LRP1B: variants seen among roughly 807,000 people sequenced by gnomAD.
LRP1B encodes LDL receptor related protein 1B.
LRP1B carries 217 observed loss-of-function variants against 556.6 expected under a neutral mutation model. The ratio of observed to expected loss-of-function variants is 0.39; its 90% CI spans 0.35 to 0.44. The LOEUF is 0.44. Among genes scored for constraint, LRP1B ranks in the 20% least tolerant of loss-of-function variants. The pLI, the probability that LRP1B is intolerant of heterozygous loss-of-function variation, is 1.00. For missense variants in LRP1B, 5,053 were observed against 5,620.8 expected, an observed-to-expected ratio of 0.90 and a Z score of 3.23; for synonymous variants, 2,047 against 1,865.8, an observed-to-expected ratio of 1.10 and a Z score of -2.50.
At chr2:141,866,641 G>A (rs62155425) in intron 1 of LRP1B, among the ~76,000 whole-genome samples, 8,930 of 152,056 alleles carry the variant, frequency 0.059, 368 homozygotes, top group Non-Finnish European at 0.09. Context: ...CATAGGAACC[G>A]AGAACATGTT....
chr2:141,586,814 C>T (rs942151066), intron 2 of LRP1B, among the ~76,000 whole-genome samples: 1 of 151,800 alleles, frequency 6.6e-6, no homozygotes, highest in Non-Finnish European at 1.5e-5. Context: ...TGGTGGCGGG[C>T]GCCTGTAGTC....
intron 3 of LRP1B, among the ~76,000 whole-genome samples, chr2:141,295,425 A>G (rs1182824694): frequency 1.3e-5 from 2 of 152,154 alleles, no homozygotes; most frequent in African/African-American, 4.8e-5. Flanking sequence ...CTGACTATCT[A>G]AAGTTTGACC....
At chr2:140,854,922 G>A (rs1692568551) in intron 27 of LRP1B, among the ~76,000 whole-genome samples, 1 of 152,090 alleles carries the variant, frequency 6.6e-6, no homozygotes, top group Non-Finnish European at 1.5e-5. Context: ...TCAAAAGATG[G>A]GAAAGCCATT....
chr2:141,942,017 CTCTA>C (rs558032866), intron 1 of LRP1B, among the ~76,000 whole-genome samples: 1 of 152,302 alleles, frequency 6.6e-6, no homozygotes, highest in Non-Finnish European at 1.5e-5. Context: ...TCTTCTCCTT[CTCTA>C]TCTGTCACCC....
chr2:142,082,416 T>C (rs1705753067), intron 1 of LRP1B, among the ~76,000 whole-genome samples: 1 of 152,202 alleles, frequency 6.6e-6, no homozygotes, highest in Admixed American at 6.5e-5. Context: ...GAGAGAATTC[T>C]GATTTTTAAG....
chr2:141,861,048 TA>T (rs1444257178), intron 1 of LRP1B, among the ~76,000 whole-genome samples: 1 of 152,268 alleles, frequency 6.6e-6, no homozygotes, highest in East Asian at 1.9e-4. Flanking sequence ...CTTTGTACTC[TA>T]ACAATGTATA....
chr2:141,160,085 T>C (rs1316770692), intron 7 of LRP1B, among the ~76,000 whole-genome samples: 1 of 151,988 alleles, frequency 6.6e-6, no homozygotes, highest in Admixed American at 6.6e-5. Flanking sequence ...CTGCATGTTC[T>C]GCACATGTAT....
At chr2:140,682,693 TGTGTGC>T (rs1262898992) in intron 41 of LRP1B, among the ~76,000 whole-genome samples, 34 of 151,660 alleles carry the variant, frequency 2.2e-4, no homozygotes, top group Non-Finnish European at 2.1e-4. Flanking sequence ...TGTGTGTGTG[TGTGTGC>T]GTGCACCTTG....
At chr2:141,240,070 T>C (rs1683806242) in intron 5 of LRP1B, among the ~76,000 whole-genome samples, 1 of 152,106 alleles carries the variant, frequency 6.6e-6, no homozygotes, top group Non-Finnish European at 1.5e-5. Context: ...TTATCTTTTG[T>C]GGGAGTCATC....
At chr2:140,678,817 G>T (rs1837777) in intron 41 of LRP1B, among the ~76,000 whole-genome samples, 118,375 of 148,422 alleles carry the variant, frequency 0.8, 47,949 homozygotes, top group Middle Eastern at 0.9. Flanking sequence ...TCTCTCTGTC[G>T]CCCGGGCTGG....
chr2:140,236,285 T>A (rs1446302056), intron 89 of LRP1B, among the ~76,000 whole-genome samples: 1 of 150,858 alleles, frequency 6.6e-6, no homozygotes, highest in African/African-American at 2.4e-5. Flanking sequence ...TGACTGTGAT[T>A]GCAAAATAAT....
intron 1 of LRP1B, among the ~76,000 whole-genome samples, chr2:142,130,113 A>G (rs1242946643): frequency 6.6e-6 from 1 of 152,162 alleles, no homozygotes; most frequent in Admixed American, 6.5e-5. Flanking sequence ...TGCTGATGAC[A>G]GGACTCTGAC....
chr2:140,607,925 A>G (rs1214045188), intron 41 of LRP1B, among the ~76,000 whole-genome samples: 2 of 152,028 alleles, frequency 1.3e-5, no homozygotes, highest in Non-Finnish European at 2.9e-5. Context: ...CTTACTGTGA[A>G]TTAGACTACC....
chr2:142,037,667 T>G (rs570585802), intron 1 of LRP1B, among the ~76,000 whole-genome samples: 1 of 151,832 alleles, frequency 6.6e-6, no homozygotes, highest in Non-Finnish European at 1.5e-5. Flanking sequence ...TCCTGCCCAG[T>G]CGCTGCATTG....
chr2:141,131,403 A>T (rs1326460210), intron 7 of LRP1B, among the ~76,000 whole-genome samples: 1 of 101,494 alleles, frequency 9.9e-6, no homozygotes, highest in East Asian at 3.1e-4. Flanking sequence ...TATAATGCAT[A>T]AAGTTATATA....
chr2:142,088,585 G>A (rs1183894203), intron 1 of LRP1B, among the ~76,000 whole-genome samples: 1 of 152,046 alleles, frequency 6.6e-6, no homozygotes, highest in Non-Finnish European at 1.5e-5. Context: ...AGCTAGTCAT[G>A]GGTGATCAAA....
intron 7 of LRP1B, among the ~76,000 whole-genome samples, chr2:141,076,483 G>T (rs536807337): frequency 2.0e-5 from 3 of 152,188 alleles, no homozygotes; most frequent in African/African-American, 7.2e-5. Context: ...GGAGCTTGCT[G>T]ACATCTCCAA....
intron 11 of LRP1B, among the ~76,000 whole-genome samples, chr2:141,025,226 C>T (rs577234326): frequency 2.4e-4 from 36 of 152,088 alleles, no homozygotes; most frequent in South Asian, 1.9e-3. Flanking sequence ...TACACAACCA[C>T]ACCTAAAGCA....
intron 1 of LRP1B, among the ~76,000 whole-genome samples, chr2:141,924,455 A>AACACTGG (rs1412261490): frequency 3.9e-5 from 6 of 152,264 alleles, no homozygotes; most frequent in Non-Finnish European, 8.8e-5. Flanking sequence ...ACTGGGCAAG[A>AACACTGG]GCTAAGGATA....
Sources: gnomAD v4.1 joint callset for allele counts (sites outside exome capture counted in the v4.1 genomes callset) on GRCh38, gnomAD v4.1.1 for gene constraint, MANE v1.5 for transcripts, NCBI Gene and HGNC (gene_info 2026-07-23, HGNC 2026-07-21) for gene names.